Variants in TENM4 observed in about 807,000 individuals in gnomAD.
TENM4 encodes the protein teneurin transmembrane protein 4, also known as teneurin-4.
Under a neutral mutation model 243.3 loss-of-function variants are expected in TENM4, and 82 were observed. The observed-to-expected ratio is 0.34, with a 90% CI of 0.28 to 0.40. The LOEUF is 0.40. Ranked by LOEUF, TENM4 falls within the 10% of genes least tolerant of loss-of-function variation. The pLI, the probability that TENM4 is intolerant of heterozygous loss-of-function variation, is 1.00. For synonymous variants in TENM4, 1,412 were observed against 1,456.3 expected (o/e 0.97, Z 0.69); for missense variants, 3,138 against 3,673.3 (o/e 0.85, Z 3.77).
intron 6 of TENM4, among the ~76,000 whole-genome samples, chr11:78,924,976 T>G (rs1350299515): frequency 1.3e-5 from 2 of 152,216 alleles, no homozygotes; most frequent in East Asian, 1.9e-4. Context: ...CTAGGTTCAC[T>G]TACACAGGCT....
intron 1 of TENM4, among the ~76,000 whole-genome samples, chr11:79,340,561 C>T (rs528715169): frequency 1.2e-3 from 180 of 152,240 alleles, no homozygotes; most frequent in African/African-American, 4.2e-3. Context: ...CCATAGCACA[C>T]GTTTGCTTCT....
intron 6 of TENM4, among the ~76,000 whole-genome samples, chr11:79,041,988 G>A (rs997200793): frequency 1.3e-5 from 2 of 152,196 alleles, no homozygotes; most frequent in African/African-American, 4.8e-5. Context: ...TGGGCCTTAG[G>A]AAGGTGATCA....
At chr11:79,014,375 C>T (rs889463231) in intron 6 of TENM4, among the ~76,000 whole-genome samples, 14 of 152,240 alleles carry the variant, frequency 9.2e-5, no homozygotes, top group South Asian at 2.1e-4. Context: ...GAGAGGCCAC[C>T]GGAACTTTGG....
intron 12 of TENM4, among the ~76,000 whole-genome samples, chr11:78,830,785 G>A (rs951656031): frequency 1.3e-5 from 2 of 152,190 alleles, no homozygotes; most frequent in African/African-American, 2.4e-5. Flanking sequence ...GAGACTCCGG[G>A]CAGGAATACT....
chr11:78,710,293 A>G lies in TENM4; in HGVS notation c.4055-1778T>C, dbSNP rs2135797528. On this transcript the variant is annotated intron_variant, in intron 26 of 33. Transcript: ENST00000278550. ...TATTAATGACCATTGTAAAAATGAG[A>G]AAGTGGCTGGCACTTTGTGAGTTTC... is the stretch of plus-strand genomic sequence containing the variant. Among the ~76,000 whole-genome samples the G allele has an allele frequency of 2.0e-5, 3 of 152,338 alleles. No homozygotes were observed. The South Asian group carries it at 6.2e-4, about 32-fold the overall frequency.
intron 15 of TENM4, among the ~76,000 whole-genome samples, chr11:78,793,175 C>T (rs538956447): frequency 1.6e-4 from 24 of 152,276 alleles, no homozygotes; most frequent in African/African-American, 5.1e-4. Context: ...GGAAGCTGTG[C>T]CTTTCTCCGA....
At chr11:79,118,285 A>G (rs1861662806) in intron 4 of TENM4, among the ~76,000 whole-genome samples, 1 of 152,078 alleles carries the variant, frequency 6.6e-6, no homozygotes, top group African/African-American at 2.4e-5. Flanking sequence ...AGAGAAAGAA[A>G]CACTGTCAGG....
chr11:78,703,503 G>A (rs1224640648), intron 27 of TENM4, among the ~76,000 whole-genome samples: 1 of 152,196 alleles, frequency 6.6e-6, no homozygotes, highest in African/African-American at 2.4e-5. Context: ...GCCAGGCTGG[G>A]AAACTGGCAT....
At chr11:79,283,040 A>G (rs897421223) in intron 2 of TENM4, among the ~76,000 whole-genome samples, 3 of 152,192 alleles carry the variant, frequency 2.0e-5, no homozygotes, top group African/African-American at 4.8e-5. Flanking sequence ...TAGCTGTAGT[A>G]AGCCTTGTTC....
chr11:78,886,517 T>C (rs1855553039), intron 9 of TENM4, among the ~76,000 whole-genome samples: 1 of 152,208 alleles, frequency 6.6e-6, no homozygotes, highest in Non-Finnish European at 1.5e-5. Context: ...TTCACCTGCG[T>C]TGGCTTATAC....
intron 1 of TENM4, among the ~76,000 whole-genome samples, chr11:79,402,766 A>T (rs1269204437): frequency 2.6e-5 from 4 of 152,190 alleles, no homozygotes; most frequent in African/African-American, 7.2e-5. Flanking sequence ...AAGACTCCTG[A>T]CCTTGGGATT....
At chr11:78,745,227 CTTTTTT>C (rs1783943) in intron 19 of TENM4, among the ~76,000 whole-genome samples, 4 of 128,066 alleles carry the variant, frequency 3.1e-5, no homozygotes, top group African/African-American at 5.9e-5. Context: ...TTTTCTTTTT[CTTTTTT>C]TTTTTTTTTT....
intron 6 of TENM4, among the ~76,000 whole-genome samples, chr11:78,937,830 C>T (rs56836048): frequency 0.015 from 2,247 of 152,286 alleles, 52 homozygotes; most frequent in African/African-American, 0.051. Flanking sequence ...ACTTTTTGGT[C>T]TCTGTTTCTG....
chr11:79,071,693 C>T (rs534587726), intron 4 of TENM4, among the ~76,000 whole-genome samples: 89 of 152,192 alleles, frequency 5.8e-4, no homozygotes, highest in South Asian at 1.0e-3. Context: ...CTCTTTGGCC[C>T]GTTTTTCCAA....
chr11:78,981,834 C>T lies in TENM4; in HGVS notation c.494-78311G>A, dbSNP rs186407059. The stretch of plus-strand genomic sequence containing the variant: ...CATAAAAACCCACTCCCACTGCTTT[C>T]GTTTCCACCCTTATTGTTGAGCCAT... On this transcript the variant is annotated intron_variant, in intron 6 of 33. Coordinates refer to ENST00000278550, the MANE Select transcript of TENM4 (RefSeq NM_001098816.3). Among the ~76,000 whole-genome samples the T allele has an allele frequency of 1.9e-4, 29 of 152,304 alleles. No homozygotes were observed. The South Asian group carries it at 4.6e-3, about 24-fold the overall frequency.
intron 6 of TENM4, among the ~76,000 whole-genome samples, chr11:79,000,545 G>A (rs912499485): frequency 6.6e-6 from 1 of 152,032 alleles, no homozygotes; most frequent in Non-Finnish European, 1.5e-5. Flanking sequence ...AGTGAAATTG[G>A]TAGTGACAAA....
intron 4 of TENM4, among the ~76,000 whole-genome samples, chr11:79,123,084 T>G (rs1010214191): frequency 6.6e-6 from 1 of 152,112 alleles, no homozygotes; most frequent in Non-Finnish European, 1.5e-5. Context: ...CTCAGGAATA[T>G]GAGAATCTTC....
chr11:79,252,329 C>A lies in TENM4; in HGVS notation c.-264-36420G>T, dbSNP rs561827607. ...GGCTCACTGCAAGCTCTGCCTCCCG[C>A]GTTCACGCCATTCTCCTGCTTCAGC... On this transcript the variant is annotated intron_variant, in intron 2 of 33. Coordinates refer to ENST00000278550, the MANE Select transcript of TENM4 (RefSeq NM_001098816.3). 5.9e-5 allele frequency among the ~76,000 whole-genome samples: 9 copies of A among 152,260 alleles called. No individual in the cohort carries two copies. The South Asian group carries it at 1.9e-3, about 32-fold the overall frequency.
chr11:79,068,169 C>G (rs1860313929), intron 5 of TENM4: 1 of 152,186 alleles, frequency 6.6e-6, no homozygotes, highest in Non-Finnish European at 1.5e-5. Flanking sequence ...CAGTGAGATC[C>G]AGAGATGACA....
Sources: gnomAD v4.1 joint callset for allele counts (sites outside exome capture counted in the v4.1 genomes callset) on GRCh38, gnomAD v4.1.1 for gene constraint, MANE v1.5 for transcripts, NCBI Gene and HGNC (gene_info 2026-07-23, HGNC 2026-07-21) for gene names.